Variants in PDZD8 observed in about 807,000 individuals in gnomAD.
The protein encoded by PDZD8 is PDZ domain-containing protein 8.
PDZD8 carries 14 observed loss-of-function variants against 85.8 expected under a neutral mutation model. That is an observed-to-expected ratio of 0.16 (90% CI 0.11 to 0.26). PDZD8 has a LOEUF of 0.26. PDZD8 is among the 10% of genes least tolerant of loss of function. PDZD8 has a pLI of 1.00. For synonymous variants in PDZD8, 592 were observed against 568.6 expected (o/e 1.04, Z -0.59); for missense variants, 1,197 against 1,424.3 (o/e 0.84, Z 2.57).
At chr10:117,316,430 T>C (rs117868755) in intron 3 of PDZD8, among the ~76,000 whole-genome samples, 4,926 of 152,250 alleles carry the variant, frequency 0.032, 85 homozygotes, top group South Asian at 0.039. Context: ...CCCAGCACTT[T>C]GGGAGGCTAA....
At chr10:117,326,302 A>G (rs747541176) in intron 2 of PDZD8, among the ~76,000 whole-genome samples, 4 of 152,190 alleles carry the variant, frequency 2.6e-5, no homozygotes, top group Admixed American at 2.0e-4. Context: ...TTCAAGAGAC[A>G]AGTTTCATGC....
intron 3 of PDZD8, among the ~76,000 whole-genome samples, chr10:117,305,048 AT>A (rs1181680109): frequency 1.3e-5 from 2 of 152,068 alleles, no homozygotes; most frequent in Non-Finnish European, 2.9e-5. Context: ...CAAATACCAT[AT>A]TTTTCATCAG....
chr10:117,283,593 A>G lies in PDZD8; in HGVS notation c.3140T>C (p.Ile1047Thr). The change falls in exon 5 of 5, where the codon ATT becomes ACT. Residue 1047 changes from isoleucine (I) to threonine (T), a missense_variant. This residue lies in a region of PDZD8 where 418 missense variants were observed against 571.1 expected (regional missense o/e 0.73). Transcript: ENST00000334464. ...EFMLDKLQNE[I>T]DQELEHNNSL... ...ATTATTGTGTTCCAACTCCTGATCA[A>G]TTTCATTCTGTAGCTTATCCAACAT... is the stretch of plus-strand genomic sequence containing the variant. The G allele has an allele frequency of 1.2e-6, 2 of 1,614,132 alleles. No individual in the cohort carries two copies. The highest frequency in any genetic ancestry group is 1.3e-5 in the African/African-American group (1 of 75,046).
intron 3 of PDZD8, among the ~76,000 whole-genome samples, chr10:117,312,281 A>C (rs755429765): frequency 6.6e-6 from 1 of 152,156 alleles, no homozygotes; most frequent in Non-Finnish European, 1.5e-5. Context: ...AGCATGGCTA[A>C]ACTGGAGAAT....
intron 3 of PDZD8, among the ~76,000 whole-genome samples, chr10:117,297,621 T>C (rs546210952): frequency 3.3e-5 from 5 of 152,316 alleles, no homozygotes; most frequent in South Asian, 2.1e-4. Flanking sequence ...CAATTTATTA[T>C]GGGGGATATA....
intron 1 of PDZD8, among the ~76,000 whole-genome samples, chr10:117,368,977 T>A (rs1845140140): frequency 6.8e-6 from 1 of 146,324 alleles, no homozygotes; most frequent in Admixed American, 7.0e-5. Context: ...TGCCTCAGCA[T>A]CCCCAGCAGC....
At chr10:117,306,202 C>T (rs1843940830) in intron 3 of PDZD8, among the ~76,000 whole-genome samples, 2 of 152,090 alleles carry the variant, frequency 1.3e-5, no homozygotes, top group Admixed American at 1.3e-4. Flanking sequence ...GTCACCTCAT[C>T]TAAGAGACAA....
intron 1 of PDZD8, among the ~76,000 whole-genome samples, chr10:117,348,776 AT>A (rs1415968708): frequency 6.6e-6 from 1 of 152,148 alleles, no homozygotes; most frequent in Admixed American, 6.5e-5. Flanking sequence ...AACATATTTT[AT>A]CAATTTTTGA....
intron 2 of PDZD8, among the ~76,000 whole-genome samples, chr10:117,332,290 AAAAAAAC>A (rs1394562804): frequency 2.6e-5 from 4 of 152,020 alleles, no homozygotes; most frequent in Admixed American, 1.3e-4. Flanking sequence ...TCCCTCCAAG[AAAAAAAC>A]AAAAAACAAA....
chr10:117,304,632 A>C (rs1191551281), intron 3 of PDZD8, among the ~76,000 whole-genome samples: 3 of 152,100 alleles, frequency 2.0e-5, no homozygotes, highest in Admixed American at 2.0e-4. Context: ...GTGTTGTGGG[A>C]GGGACCCAAG....
intron 3 of PDZD8, among the ~76,000 whole-genome samples, chr10:117,301,630 G>A (rs911407155): frequency 6.6e-6 from 1 of 152,122 alleles, no homozygotes; most frequent in African/African-American, 2.4e-5. Flanking sequence ...ATGGTTAAAG[G>A]ATACAATTTA....
chr10:117,363,763 G>A (rs1845037341), intron 1 of PDZD8, among the ~76,000 whole-genome samples: 2 of 152,052 alleles, frequency 1.3e-5, no homozygotes, highest in Admixed American at 1.3e-4. Context: ...GCAAATCAAA[G>A]CCCAGACATT....
chr10:117,293,419 T>C (rs1225862318), intron 3 of PDZD8, among the ~76,000 whole-genome samples: 2 of 152,112 alleles, frequency 1.3e-5, no homozygotes, highest in Non-Finnish European at 2.9e-5. Context: ...AAGCATGCTG[T>C]GGCTTCAACA....
At chr10:117,330,255 G>A (rs1001840014) in intron 2 of PDZD8, among the ~76,000 whole-genome samples, 4 of 151,706 alleles carry the variant, frequency 2.6e-5, no homozygotes, top group African/African-American at 9.7e-5. Context: ...CAATTTTCAC[G>A]ACTTCCAAAT....
intron 1 of PDZD8, among the ~76,000 whole-genome samples, chr10:117,368,875 T>TG (rs1554859200): frequency 0.097 from 10,700 of 110,064 alleles, 380 homozygotes; most frequent in Middle Eastern, 0.17. Context: ...TTTTTTTTTT[T>TG]GAGACAGTCT....
chr10:117,363,561 G>A (rs1365375397), intron 1 of PDZD8, among the ~76,000 whole-genome samples: 1 of 152,106 alleles, frequency 6.6e-6, no homozygotes, highest in Non-Finnish European at 1.5e-5. Context: ...AAGTAGTTAG[G>A]TTGCAAGTTT....
chr10:117,322,338 T>A (rs1481152070), intron 2 of PDZD8, among the ~76,000 whole-genome samples: 1 of 152,154 alleles, frequency 6.6e-6, no homozygotes, highest in African/African-American at 2.4e-5. Flanking sequence ...GACCCCCCTT[T>A]TGGATCCTCT....
At chr10:117,345,343 G>A (rs1844686594) in intron 1 of PDZD8, among the ~76,000 whole-genome samples, 1 of 152,202 alleles carries the variant, frequency 6.6e-6, no homozygotes, top group African/African-American at 2.4e-5. Flanking sequence ...GCTGGGAGGA[G>A]CCCTCCTGGG....
At chr10:117,367,181 C>A (rs150803764) in intron 1 of PDZD8, among the ~76,000 whole-genome samples, 1,594 of 152,170 alleles carry the variant, frequency 0.01, 25 homozygotes, top group African/African-American at 0.036. Flanking sequence ...GAGGCTGAGG[C>A]GGGGGGATCA....
Sources: gnomAD v4.1 joint callset for allele counts (sites outside exome capture counted in the v4.1 genomes callset) on GRCh38, gnomAD v4.1.1 for gene constraint, gnomAD v4.1.1 regional missense constraint, MANE v1.5 for transcripts, NCBI Gene and HGNC (gene_info 2026-07-23, HGNC 2026-07-21) for gene names.